SORCS1: variants seen among roughly 807,000 people sequenced by gnomAD.
SORCS1 encodes sortilin related VPS10 domain containing receptor 1.
In SORCS1, 60 loss-of-function variants were observed where a neutral mutation model predicts 146.1. The observed-to-expected ratio is 0.41, with a 90% CI of 0.33 to 0.51. The LOEUF (loss-of-function observed/expected upper bound fraction) is 0.51. Ranked by LOEUF, SORCS1 falls within the 20% of genes least tolerant of loss-of-function variation. SORCS1 has a pLI of 0.21. For missense variants in SORCS1, 1,352 were observed against 1,487.6 expected, an observed-to-expected ratio of 0.91 and a Z score of 1.50; for synonymous variants, 637 against 584.0, an observed-to-expected ratio of 1.09 and a Z score of -1.31.
At chr10:106,688,080 C>T in intron 10 of SORCS1, 112 bp downstream of exon 10, 3 of 1,447,474 alleles carry the variant, frequency 2.1e-6, no homozygotes, top group Non-Finnish European at 2.8e-6. Flanking sequence ...CTTCCCCACT[C>T]CCTTTTGTTC....
chr10:106,976,744 CTA>C (rs973137471), intron 1 of SORCS1, among the ~76,000 whole-genome samples: 6 of 152,250 alleles, frequency 3.9e-5, no homozygotes, highest in Admixed American at 3.9e-4. Context: ...CTCCCTGTGT[CTA>C]TGTGTTCTCT....
At chr10:106,659,274 G>C (rs1378225908) in intron 17 of SORCS1, among the ~76,000 whole-genome samples, 1 of 152,194 alleles carries the variant, frequency 6.6e-6, no homozygotes, top group Non-Finnish European at 1.5e-5. Flanking sequence ...AGCTTCTCTT[G>C]CATTAAGCAG....
At chr10:107,123,028 T>C (rs931828798) in intron 1 of SORCS1, among the ~76,000 whole-genome samples, 2 of 151,782 alleles carry the variant, frequency 1.3e-5, no homozygotes, top group Non-Finnish European at 2.9e-5. Context: ...CCCTTTCTTT[T>C]TTTCACTTTG....
At chr10:106,722,132 C>CACACACAT (rs1554909647) in intron 6 of SORCS1, among the ~76,000 whole-genome samples, 1 of 151,342 alleles carries the variant, frequency 6.6e-6, no homozygotes, top group African/African-American at 2.4e-5. Flanking sequence ...CACACACACA[C>CACACACAT]ACACACACAC....
rs116230417 is a variant in SORCS1 at position 106,612,290 on chromosome 10, G to A, written c.2921-267C>T. ...TCCCCTGTATAGAGACAGAGGGAGGGGGCTACAAAGCTGAGAGAGGAGACC... is the reference window on the plus strand; with the variant it reads ...TCCCCTGTATAGAGACAGAGGGAGGAGGCTACAAAGCTGAGAGAGGAGACC... On this transcript the variant is annotated intron_variant, in intron 21 of 25. Transcript: ENST00000263054. 8.1e-3 allele frequency among the ~76,000 whole-genome samples: 1,234 copies of A among 151,720 alleles called. 25 individuals are homozygous for A. Among genetic ancestry groups the A allele is most frequent in the African/African-American group, 0.028 (1,172 of 41,252 alleles).
chr10:107,009,894 C>A (rs1311665446), intron 1 of SORCS1, among the ~76,000 whole-genome samples: 1 of 151,980 alleles, frequency 6.6e-6, no homozygotes, highest in Non-Finnish European at 1.5e-5. Flanking sequence ...GTAAAAGAAA[C>A]CCAGGAGGGT....
intron 6 of SORCS1, among the ~76,000 whole-genome samples, chr10:106,727,488 G>T (rs1433594548): frequency 6.6e-6 from 1 of 152,130 alleles, no homozygotes; most frequent in Non-Finnish European, 1.5e-5. Context: ...TGACTAGCTG[G>T]GACTACAGAT....
chr10:106,637,494 G>A (rs890229234), intron 18 of SORCS1, among the ~76,000 whole-genome samples: 2 of 152,166 alleles, frequency 1.3e-5, no homozygotes, highest in Non-Finnish European at 2.9e-5. Context: ...TAAAGCACAC[G>A]TCTTTCTCCA....
Position 107,014,267 on chromosome 10 carries a change from A to AAAAG in SORCS1, c.559-57688_559-57687insCTTT, listed in dbSNP as rs1957803383. Reference sequence around the variant, plus strand: ...AGACCCTGCGTCAAAAAAAAAAAAAAAAAAAGAAAAGAAAAAAAGAGAGAG... The same window carrying AAAAG: ...AGACCCTGCGTCAAAAAAAAAAAAAAAAAGAAAAAGAAAAGAAAAAAAGAGAGAG... On this transcript the variant is annotated intron_variant, in intron 1 of 25. Coordinates refer to ENST00000263054, the MANE Select transcript of SORCS1 (RefSeq NM_052918.5). Among the ~76,000 whole-genome samples the AAAAG allele has an allele frequency of 1.4e-5, 2 of 140,814 alleles. 1 individual carries two copies. Among genetic ancestry groups the AAAAG allele is most frequent in the African/African-American group, 6.3e-5 (2 of 31,870 alleles). The allele number at this position is 140,814 out of a possible 152,430, so 92.4% of individuals were successfully genotyped here.
In SORCS1 at chr10:107,060,570, A is replaced by G. The variant is rs1961098524; in HGVS notation, c.558+103399T>C. On this transcript the variant is annotated intron_variant, in intron 1 of 25. Coordinates refer to ENST00000263054, the MANE Select transcript of SORCS1 (RefSeq NM_052918.5). The surrounding 1 kb of genome is among the most constrained non-coding windows in gnomAD (Gnocchi z 4.1). Reference sequence around the variant, plus strand: ...TCAGGCCTCAAGGACCTTCCTTGGGATCAAAGTCATTTTTCTGTGCTCAGG... The same window carrying G: ...TCAGGCCTCAAGGACCTTCCTTGGGGTCAAAGTCATTTTTCTGTGCTCAGG... 6.6e-6 allele frequency among the ~76,000 whole-genome samples: 1 copy of G among 152,102 alleles called. No individual in the cohort carries two copies. Among genetic ancestry groups the G allele is most frequent in the Non-Finnish European group, 1.5e-5 (1 of 68,024 alleles).
chr10:106,977,044 C>T (rs754929413), intron 1 of SORCS1, among the ~76,000 whole-genome samples: 3 of 152,086 alleles, frequency 2.0e-5, no homozygotes, highest in South Asian at 2.1e-4. Flanking sequence ...TATTCCTTTG[C>T]GTATATACCC....
intron 1 of SORCS1, among the ~76,000 whole-genome samples, chr10:107,137,969 G>T (rs1967472438): frequency 6.6e-6 from 1 of 152,050 alleles, no homozygotes; most frequent in East Asian, 1.9e-4. Context: ...TTCATTACAG[G>T]ATCTCTGACA....
chr10:107,160,491 T>C (rs1317277882), intron 1 of SORCS1, among the ~76,000 whole-genome samples: 5 of 152,254 alleles, frequency 3.3e-5, no homozygotes, highest in Non-Finnish European at 7.3e-5. Context: ...ACTCAATTTA[T>C]TCACTAATGT....
At chr10:106,970,257 C>G (rs1341174338) in intron 1 of SORCS1, 1 of 150,624 alleles carries the variant, frequency 6.6e-6, no homozygotes, top group Non-Finnish European at 1.5e-5. Context: ...GTACTATTGT[C>G]ATTGTTCAAA....
At chr10:106,844,257 G>C (rs1390187113) in intron 2 of SORCS1, among the ~76,000 whole-genome samples, 3 of 151,970 alleles carry the variant, frequency 2.0e-5, no homozygotes, top group Admixed American at 6.6e-5. Context: ...CTATTTACTT[G>C]TATAAGTTTC....
At chr10:106,718,521 C>T (rs909311407) in intron 6 of SORCS1, among the ~76,000 whole-genome samples, 3 of 151,312 alleles carry the variant, frequency 2.0e-5, no homozygotes, top group African/African-American at 2.5e-5. Flanking sequence ...CGCAAACCTT[C>T]GCGCTGTTAC....
intron 1 of SORCS1, among the ~76,000 whole-genome samples, chr10:107,018,539 TTC>T (rs1236259401): frequency 6.6e-6 from 1 of 152,146 alleles, no homozygotes; most frequent in Non-Finnish European, 1.5e-5. Flanking sequence ...GGTTCCCTGT[TTC>T]TCTGAGTTTT....
intron 17 of SORCS1, among the ~76,000 whole-genome samples, chr10:106,655,604 T>C (rs1850224388): frequency 6.6e-6 from 1 of 152,166 alleles, no homozygotes; most frequent in Non-Finnish European, 1.5e-5. Flanking sequence ...GGAGTTCTGC[T>C]TAAATCCAAA....
intron 1 of SORCS1, among the ~76,000 whole-genome samples, chr10:107,124,953 C>CTTTTTTTTTTTTTTTTTTTTTTTT: frequency 8.2e-6 from 1 of 121,612 alleles, no homozygotes; most frequent in Admixed American, 8.6e-5. Flanking sequence ...TTTTCTTTTT[C>CTTTTTTTTTTTTTTTTTTTTTTTT]TTTTTTTTTT....
Sources: allele counts gnomAD v4.1 joint callset (sites outside exome capture counted in the v4.1 genomes callset), GRCh38; gene constraint gnomAD v4.1.1; non-coding constraint Gnocchi (gnomAD v3.1); transcripts MANE v1.5; gene names NCBI Gene and HGNC (gene_info 2026-07-23, HGNC 2026-07-21).